PTPRZ1: variants seen among roughly 807,000 people sequenced by gnomAD.
PTPRZ1 encodes protein tyrosine phosphatase receptor type Z1, also known as receptor-type tyrosine-protein phosphatase zeta.
PTPRZ1 carries 82 observed loss-of-function variants against 214.1 expected under a neutral mutation model. That is an observed-to-expected ratio of 0.38 (90% confidence interval 0.32 to 0.46). PTPRZ1 has a LOEUF of 0.46. PTPRZ1 is among the 20% of genes least tolerant of loss of function. The probability of loss-of-function intolerance (pLI) is 1.00; values close to 1 mark genes in which losing one functional copy is unlikely to be tolerated. For synonymous variants in PTPRZ1, 945 were observed against 987.9 expected (o/e 0.96, Z 0.81); for missense variants, 2,603 against 2,748.7 (o/e 0.95, Z 1.19).
intron 15 of PTPRZ1, among the ~76,000 whole-genome samples, chr7:122,032,455 G>C (rs935549741): frequency 1.3e-5 from 2 of 152,114 alleles, no homozygotes; most frequent in Admixed American, 1.3e-4. Flanking sequence ...AAGCAGGAAG[G>C]CTGTCTTCAG....
intron 2 of PTPRZ1, among the ~76,000 whole-genome samples, chr7:121,967,670 A>C (rs1177292865): frequency 6.6e-6 from 1 of 152,204 alleles, no homozygotes. Flanking sequence ...CCTGATCACA[A>C]AAAGAAGATG....
chr7:121,976,439 C>T (rs1272053236), intron 5 of PTPRZ1, among the ~76,000 whole-genome samples, 171 bp downstream of exon 5: 1 of 152,034 alleles, frequency 6.6e-6, no homozygotes, highest in Non-Finnish European at 1.5e-5. Context: ...TAAAAGGAGA[C>T]TCTTGTGTTT....
chr7:122,034,929 T>A (rs1348491394), intron 17 of PTPRZ1, among the ~76,000 whole-genome samples: 1 of 152,130 alleles, frequency 6.6e-6, no homozygotes, highest in Non-Finnish European at 1.5e-5. Context: ...CTTTTTTCAT[T>A]AGTGCAATTT....
intron 8 of PTPRZ1, among the ~76,000 whole-genome samples, chr7:121,986,722 A>G (rs1480335168): frequency 6.6e-6 from 1 of 152,204 alleles, no homozygotes; most frequent in East Asian, 1.9e-4. Flanking sequence ...TGGTTCCAAA[A>G]TAAATGGCAG....
At chr7:121,914,057 T>C (rs1197719020) in intron 1 of PTPRZ1, among the ~76,000 whole-genome samples, 2 of 152,216 alleles carry the variant, frequency 1.3e-5, no homozygotes, top group African/African-American at 4.8e-5. Flanking sequence ...CTCATGCCTC[T>C]GATCCCAGCA....
chr7:121,947,819 T>G (rs1217963861), intron 2 of PTPRZ1, among the ~76,000 whole-genome samples: 1 of 152,138 alleles, frequency 6.6e-6, no homozygotes, highest in Non-Finnish European at 1.5e-5. Flanking sequence ...ACATATCATT[T>G]TGGGTTCTAA....
At chr7:121,910,459 G>A (rs901794254) in intron 1 of PTPRZ1, among the ~76,000 whole-genome samples, 12 of 152,010 alleles carry the variant, frequency 7.9e-5, no homozygotes, top group Non-Finnish European at 4.4e-5. Flanking sequence ...TGGATGGCTG[G>A]GGGGTCCACC....
Position 122,011,344 on chromosome 7 carries a change from A to C in PTPRZ1, c.2298A>C (p.Glu766Asp), listed in dbSNP as rs778923281. Residue 766 changes from glutamate to aspartate, a missense_variant, in exon 12 of 30, where the codon GAA becomes GAC. Around this residue, in one of 6 missense-constraint regions of PTPRZ1, gnomAD observed 1,913 missense variants for 1,914.3 expected, o/e 1.00. Transcript: ENST00000393386. ...CTCTTCAACCTTCCTACAGTAGTGA[A>C]GTCTTTCCTCTAGTCACCCCTTTGT... ...ETPLQPSYSS[E>D]VFPLVTPLLL... 5 of 1,614,034 alleles carry C rather than the reference A, an allele frequency of 3.1e-6. No individual in the cohort carries two copies. Among genetic ancestry groups the C allele is most frequent in the African/African-American group, 1.3e-5 (1 of 74,928 alleles).
intron 17 of PTPRZ1, among the ~76,000 whole-genome samples, chr7:122,036,039 G>A (rs977684793): frequency 3.9e-5 from 6 of 152,126 alleles, no homozygotes; most frequent in African/African-American, 9.7e-5. Flanking sequence ...TCCTTTTGAA[G>A]CAGTTTCTCT....
chr7:121,935,904 C>T (rs866779192), intron 2 of PTPRZ1, among the ~76,000 whole-genome samples: 2 of 151,854 alleles, frequency 1.3e-5, no homozygotes, highest in East Asian at 1.9e-4. Flanking sequence ...GGCTCTAGTT[C>T]GTGAAATAGA....
At chr7:121,943,633 C>T (rs1332640264) in intron 2 of PTPRZ1, among the ~76,000 whole-genome samples, 2 of 152,252 alleles carry the variant, frequency 1.3e-5, no homozygotes, top group African/African-American at 2.4e-5. Context: ...CCACTGCGCC[C>T]GGCCAATAAT....
Position 122,061,101 on chromosome 7 carries a change from A to G in PTPRZ1, c.6829A>G (p.Lys2277Glu). 6.2e-7 allele frequency: 1 copy of G among 1,609,722 alleles called. No individual in the cohort carries two copies. Among genetic ancestry groups the G allele is most frequent in the South Asian group, 1.1e-5 (1 of 90,504 alleles). The change falls in exon 30 of 30, where the codon AAA becomes GAA. Residue 2277 changes from lysine to glutamate, a missense_variant. Transcript: ENST00000393386. The part of the protein sequence containing the change: ...ADIEQYQFLY[K>E]VILSLVSTRQ... ...CTAGGAGCAGTATCAGTTTCTCTAC[A>G]AAGTGATCCTCAGCCTTGTGAGCAC...
At chr7:122,039,788 A>C (rs1799659866) in intron 20 of PTPRZ1, among the ~76,000 whole-genome samples, 200 bp downstream of exon 20, 1 of 152,160 alleles carries the variant, frequency 6.6e-6, no homozygotes, top group Non-Finnish European at 1.5e-5. Context: ...ACTTGAGGTC[A>C]GGAGGTCGAG....
intron 2 of PTPRZ1, among the ~76,000 whole-genome samples, chr7:121,936,697 T>G (rs1262638039): frequency 6.6e-6 from 1 of 152,212 alleles, no homozygotes; most frequent in African/African-American, 2.4e-5. Flanking sequence ...GCATAAACAC[T>G]AACCCCATCA....
At position 122,040,832 on chromosome 7, in the gene PTPRZ1, G is replaced by T; in HGVS notation, c.5654G>T (p.Arg1885Ile). ...CTTTTCCAGGGCTCCCAGAAAGGAA[G>T]ACCCAGTGGACGTGTGGTCACACAG... ...TKIKKGSQKG[R>I]PSGRVVTQYH... The change falls in exon 21 of 30, where the codon AGA (arginine) becomes ATA (isoleucine). Residue 1885 changes from arginine (R) to isoleucine (I), a missense_variant. By Grantham distance (97) the Arg-to-Ile change is moderately conservative. Coordinates refer to ENST00000393386, the MANE Select transcript of PTPRZ1 (RefSeq NM_002851.3). The T allele has an allele frequency of 6.4e-7, 1 of 1,566,496 alleles. No homozygotes were observed. Among genetic ancestry groups the T allele is most frequent in the South Asian group, 1.2e-5 (1 of 86,316 alleles).
At chr7:121,982,805 G>A (rs971543032) in intron 6 of PTPRZ1, among the ~76,000 whole-genome samples, 3 of 151,034 alleles carry the variant, frequency 2.0e-5, no homozygotes, top group East Asian at 1.9e-4. Context: ...ATGCAGTCTC[G>A]CTCTGTCACC....
chr7:121,919,427 A>G (rs1795524969), intron 1 of PTPRZ1, among the ~76,000 whole-genome samples: 1 of 152,058 alleles, frequency 6.6e-6, no homozygotes, highest in Admixed American at 6.6e-5. Flanking sequence ...TTTAACATTT[A>G]TCAATAGCTT....
chr7:121,877,415 A>G (rs971387471), intron 1 of PTPRZ1, among the ~76,000 whole-genome samples: 4 of 152,164 alleles, frequency 2.6e-5, no homozygotes, highest in Admixed American at 6.5e-5. Context: ...GATCCCTTTC[A>G]TGATTTTGCC....
chr7:122,013,279 T>C lies in PTPRZ1; in HGVS notation c.4233T>C (p.Gly1411=). The C allele has an allele frequency of 6.2e-7, 1 of 1,613,354 alleles. No individual in the cohort carries two copies. The highest frequency in any genetic ancestry group is 8.5e-7 in the Non-Finnish European group (1 of 1,179,920). ...GTCATAGTGCCAAATCTGATGCCGG[T>C]TTAGTGGGTGGTGGTGAAGATGGTG... ...ELSHSAKSDA[G]LVGGGEDGDT... is the part of the protein sequence containing the mutation. The change falls in exon 12 of 30, where the codon GGT becomes GGC. Residue 1411 remains glycine (G), a synonymous_variant. Transcript: ENST00000393386.
Sources: gnomAD v4.1 joint callset for allele counts (sites outside exome capture counted in the v4.1 genomes callset) on GRCh38, gnomAD v4.1.1 for gene constraint, gnomAD v4.1.1 regional missense constraint, MANE v1.5 for transcripts, NCBI Gene and HGNC (gene_info 2026-07-23, HGNC 2026-07-21) for gene names.